Variants in ABCA7 observed in about 807,000 individuals in gnomAD.
The protein encoded by ABCA7 is phospholipid-transporting ATPase ABCA7.
ABCA7 carries 261 observed loss-of-function variants against 227.6 expected under a neutral mutation model. That is an observed-to-expected ratio of 1.15 (90% CI 1.04 to 1.27). The LOEUF (loss-of-function observed/expected upper bound fraction) is 1.27, where lower values mean the gene tolerates loss of function less well. Among genes scored for constraint, ABCA7 ranks in the 50% most tolerant of loss-of-function variants. The pLI, the probability that ABCA7 is intolerant of heterozygous loss-of-function variation, is 0.00. For synonymous variants in ABCA7, 1,488 were observed against 1,279.7 expected, an observed-to-expected ratio of 1.16 and a Z score of -3.47; for missense variants, 3,331 against 2,924.5, an observed-to-expected ratio of 1.14 and a Z score of -3.21.
intron 40 of ABCA7, among the ~76,000 whole-genome samples, chr19:1,060,982 C>G (rs1437173558): frequency 6.6e-6 from 1 of 152,132 alleles, no homozygotes; most frequent in African/African-American, 2.4e-5. Flanking sequence ...TATAGGGTAC[C>G]CACTGTGTGC....
Position 1,047,609 on chromosome 19 carries a change from G to A in ABCA7, c.2224G>A (p.Ala742Thr). ...CTCTGGCCTTCTGCTGCTGGACGCG[G>A]CGCTCTACGGCCTCGCCACCTGGTA... ...QVSGLLLLDA[A>T]LYGLATWYLE... The change falls in exon 16 of 47, where the codon GCG becomes ACG. Residue 742 changes from alanine to threonine, a missense_variant. Coordinates refer to ENST00000263094, the MANE Select transcript of ABCA7 (RefSeq NM_019112.4). 1 of 1,602,026 alleles carries A rather than the reference G, an allele frequency of 6.2e-7. No individual in the cohort carries two copies. The highest frequency in any genetic ancestry group is 8.5e-7 in the Non-Finnish European group (1 of 1,178,794).
At chr19:1,049,053 T>A in intron 17 of ABCA7, 48 bp downstream of exon 17, 2 of 1,090,146 alleles carry the variant, frequency 1.8e-6, no homozygotes, top group Non-Finnish European at 2.6e-6. Context: ...TATGCCCAGT[T>A]CCCCCCCAAA....
Position 1,049,329 on chromosome 19 carries a change from G to C in ABCA7, c.2444G>C (p.Arg815Pro), listed in dbSNP as rs202171803. The C allele has an allele frequency of 1.2e-6, 2 of 1,611,462 alleles. No homozygotes were observed. The highest frequency in any genetic ancestry group is 1.7e-6 in the Non-Finnish European group (2 of 1,179,246). ...GTCTCCGTTCGCAGCCTGGAGAAGC[G>C]CTTTCCTGGAAGCCCGCAGCCAGCC... ...PGVSVRSLEK[R>P]FPGSPQPALR... Residue 815 changes from arginine (R) to proline (P), a missense_variant, in exon 18 of 47, where the codon CGC becomes CCC. Transcript: ENST00000263094.
intron 23 of ABCA7, 23 bp downstream of exon 23, chr19:1,052,309 C>T (rs1428439947): frequency 1.3e-6 from 2 of 1,513,072 alleles, no homozygotes; most frequent in Non-Finnish European, 1.8e-6. Flanking sequence ...GTGGGAGACC[C>T]AAGGCGGGTG....
rs1268536463 is a variant in ABCA7, at chr19:1,042,011, C to T, written c.302+39C>T. On this transcript the variant is annotated intron_variant, in intron 4 of 46. Transcript: ENST00000263094. ...AGTGGGTGCGGCCGGCCTGCAAACTCGGGGCTGCAGTGCCGGCCGGAACCC... is the reference window on the plus strand; with the variant it reads ...AGTGGGTGCGGCCGGCCTGCAAACTTGGGGCTGCAGTGCCGGCCGGAACCC... 1.9e-6 allele frequency: 3 copies of T among 1,577,704 alleles called. 1 individual carries two copies. The Middle Eastern group carries it at 5.0e-4, about 265-fold the overall frequency.
chr19:1,063,513 T>A, intron 42 of ABCA7, 31 bp from the exon 43 acceptor site: 1 of 1,605,780 alleles, frequency 6.2e-7, no homozygotes, highest in Non-Finnish European at 8.5e-7. Flanking sequence ...TCAATATGAG[T>A]CCCCATGCCT....
At position 1,056,845 on chromosome 19, in the gene ABCA7, G is replaced by A; in HGVS notation, c.4587-62G>A. On this transcript the variant is annotated intron_variant, in intron 33 of 46. Coordinates refer to ENST00000263094, the MANE Select transcript of ABCA7 (RefSeq NM_019112.4). The surrounding 1 kb of genome is among the most constrained non-coding windows in gnomAD (Gnocchi z 4.3). ...CTTTGTCCCATCAATGGCGTGTTCA[G>A]CTCTGCTCTGAGCAACCCATGCACC... is the stretch of plus-strand genomic sequence containing the variant. 1.3e-6 allele frequency: 2 copies of A among 1,551,666 alleles called. No individual in the cohort carries two copies. Among genetic ancestry groups the A allele is most frequent in the Non-Finnish European group, 8.8e-7 (1 of 1,136,562 alleles).
In ABCA7 at chr19:1,054,318, AGCCGCCGCG is replaced by A; in HGVS notation, c.3707_3715del (p.Arg1236_Gly1238del). 1 of 1,601,538 alleles carries A rather than the reference AGCCGCCGCG, an allele frequency of 6.2e-7. No homozygotes were observed. The highest frequency in any genetic ancestry group is 1.1e-5 in the South Asian group (1 of 90,848). The stretch of plus-strand genomic sequence containing the variant: ...CAAGCGCTTTCTGCTTGCCCGCCGC[AGCCGCCGCG>A]GCCTGTTCGCCCAGGTGAGGAGGGC... On this transcript the variant is annotated inframe_deletion, in exon 27 of 47. Transcript: ENST00000263094. The surrounding 1 kb of genome is among the most constrained non-coding windows in gnomAD (Gnocchi z 4.8).
At position 1,047,671 on chromosome 19, in the gene ABCA7, G is replaced by T. The variant is rs777651254; in HGVS notation, c.2269+17G>T. On this transcript the variant is annotated intron_variant, in intron 16 of 46. Coordinates refer to ENST00000263094, the MANE Select transcript of ABCA7 (RefSeq NM_019112.4). Reference sequence around the variant, plus strand: ...TGTGCCCAGGTGGGCCGTAGGGGGCGGGGCTCCGGGCCGGGTCGCACCTGC... The same window carrying T: ...TGTGCCCAGGTGGGCCGTAGGGGGCTGGGCTCCGGGCCGGGTCGCACCTGC... 1.3e-6 allele frequency: 2 copies of T among 1,576,758 alleles called. No homozygotes were observed.
At chr19:1,064,001 C>A (rs1487445281) in intron 44 of ABCA7, 138 bp downstream of exon 44, 2 of 1,341,146 alleles carry the variant, frequency 1.5e-6, no homozygotes, top group Non-Finnish European at 2.0e-6. Flanking sequence ...GGTGTAAGGA[C>A]ACACAGAGGT....
chr19:1,046,085 C>G lies in ABCA7; in HGVS notation c.1446-145C>G, dbSNP rs998183443. On this transcript the variant is annotated intron_variant, in intron 12 of 46. Coordinates refer to ENST00000263094, the MANE Select transcript of ABCA7 (RefSeq NM_019112.4). ...GGGGGATCGTTTGATCCCGGGAGGTCAAGGCTGCAGTGAGCTATGATTGCA... is the reference window on the plus strand; with the variant it reads ...GGGGGATCGTTTGATCCCGGGAGGTGAAGGCTGCAGTGAGCTATGATTGCA... 7.6e-6 allele frequency: 7 copies of G among 921,084 alleles called. No homozygotes were observed. In the African/African-American group the frequency reaches 1.2e-4, roughly 16 times the overall value. 57.1% of individuals were successfully genotyped at this position (921,084 alleles called of 1,614,324 possible). A position where few individuals can be genotyped will look rare whatever the true frequency, so the allele number is the denominator to read the frequency against.
chr19:1,050,981 C>T lies in ABCA7; in HGVS notation c.2613C>T (p.Asp871=), dbSNP rs2041561354. 5.6e-6 allele frequency: 9 copies of T among 1,612,332 alleles called. No individual in the cohort carries two copies. The highest frequency in any genetic ancestry group is 1.1e-5 in the South Asian group (1 of 91,004). The change falls in exon 19 of 47, where the codon GAC becomes GAT. Residue 871 remains aspartate, a synonymous_variant. Transcript: ENST00000263094. ...SGGSAFILGH[D]VRSSMAAIRP... is the part of the protein sequence containing the mutation. The stretch of plus-strand genomic sequence containing the variant: ...GCTCTGCCTTCATCCTGGGCCACGA[C>T]GTCCGCTCCAGCATGGCCGCCATCC...
Position 1,055,002 on chromosome 19 carries a change from C to G in ABCA7, c.3951-95C>G, listed in dbSNP as rs542283844. On this transcript the variant is annotated intron_variant, in intron 29 of 46. Transcript: ENST00000263094. ...CTGTGCCCACCTGGGAGCTGGGAGC[C>G]TCTGTGGCTCCAGGAACCCCCAGAA... The G allele has an allele frequency of 3.3e-5, 50 of 1,530,164 alleles. No homozygotes were observed. In the African/African-American group the frequency reaches 6.5e-4, roughly 20 times the overall value. 94.8% of individuals were successfully genotyped at this position (1,530,164 alleles called of 1,614,324 possible). A position where few individuals can be genotyped will look rare whatever the true frequency, so the allele number is the denominator to read the frequency against.
intron 42 of ABCA7, among the ~76,000 whole-genome samples, chr19:1,062,757 C>A (rs1398029773): frequency 3.3e-5 from 5 of 151,752 alleles, no homozygotes; most frequent in Non-Finnish European, 5.9e-5. Flanking sequence ...CTGGCCCGCC[C>A]CACCCTCACA....
Position 1,057,088 on chromosome 19 carries a change from C to G in ABCA7, c.4764+4C>G, listed in dbSNP as rs202129201. 2 of 1,609,178 alleles carry G rather than the reference C, an allele frequency of 1.2e-6. No individual in the cohort carries two copies. The highest frequency in any genetic ancestry group is 1.7e-6 in the Non-Finnish European group (2 of 1,177,692). ...TGGCAACTTTCTCTGGGACATGGTG[C>G]GGGGGCTGCTTGGACGGGTGGGGGC... On this transcript the variant is annotated splice_donor_region_variant and intron_variant, in intron 34 of 46. Coordinates refer to ENST00000263094, the MANE Select transcript of ABCA7 (RefSeq NM_019112.4).
At position 1,045,250 on chromosome 19, in the gene ABCA7, C is replaced by CG. The variant is rs558669686; in HGVS notation, c.1445+25dup. 37,902 of 542,672 alleles carry CG rather than the reference C, an allele frequency of 0.07. 714 individuals carry two copies. The highest frequency in any genetic ancestry group is 0.092 in the Non-Finnish European group (30,507 of 332,444). The allele number at this position is 542,672 out of a possible 1,614,324, so 33.6% of individuals were successfully genotyped here. ...GGGACAGGTCAGGCGAGGGAGGGGG[C>CG]GGGGGGATGAGGGACTGGGCGGGGC... On this transcript the variant is annotated intron_variant, in intron 12 of 46. Coordinates refer to ENST00000263094, the MANE Select transcript of ABCA7 (RefSeq NM_019112.4).
rs376415316 is a variant in ABCA7, at chr19:1,051,224, C to G, written c.2754C>G (p.Pro918=). 2.5e-6 allele frequency: 4 copies of G among 1,610,646 alleles called. No homozygotes were observed. The African/African-American group carries it at 4.0e-5, about 16-fold the overall frequency. The change falls in exon 20 of 47, where the codon CCC becomes CCG. Residue 918 remains proline, a synonymous_variant. Coordinates refer to ENST00000263094, the MANE Select transcript of ABCA7 (RefSeq NM_019112.4). The stretch of plus-strand genomic sequence containing the variant: ...GTCTGAGTGCCGCTGTAGTGGGCCC[C>G]GAGCAGGACCGTCTGCTGCAGGATG... ...LKGLSAAVVG[P]EQDRLLQDVG... is the part of the protein sequence containing the mutation.
rs2040738528 is a variant in ABCA7 at position 1,046,903 on chromosome 19, C to T, written c.1724C>T (p.Thr575Met). The T allele has an allele frequency of 1.3e-6, 2 of 1,555,282 alleles. No homozygotes were observed. The highest frequency in any genetic ancestry group is 1.4e-5 in the African/African-American group (1 of 73,776). ...TVKAVVREKE[T>M]RLRDTMRAMG... Reference sequence around the variant, plus strand: ...AAGGCCGTGGTGCGGGAGAAGGAGACGCGGCTGCGGGACACCATGCGCGCC... The same window carrying T: ...AAGGCCGTGGTGCGGGAGAAGGAGATGCGGCTGCGGGACACCATGCGCGCC... The change falls in exon 14 of 47, where the codon ACG (threonine) becomes ATG (methionine). Residue 575 changes from threonine (T) to methionine (M), a missense_variant. Physicochemically the swap from Thr to Met is moderately conservative, Grantham distance 81 (BLOSUM62 -1). Coordinates refer to ENST00000263094, the MANE Select transcript of ABCA7 (RefSeq NM_019112.4).
chr19:1,043,302 G>T (rs1211753860), intron 8 of ABCA7, 32 bp from the exon 9 acceptor site: 1 of 1,612,440 alleles, frequency 6.2e-7, no homozygotes, highest in Non-Finnish European at 8.5e-7. Context: ...CTCTGGGCAG[G>T]GGGGCAGGGC....
Sources: gnomAD v4.1 joint callset for allele counts (sites outside exome capture counted in the v4.1 genomes callset) on GRCh38, gnomAD v4.1.1 for gene constraint, Gnocchi (gnomAD v3.1) non-coding constraint, MANE v1.5 for transcripts, NCBI Gene and HGNC (gene_info 2026-07-23, HGNC 2026-07-21) for gene names.